The following BORA variants were observed in gnomAD, a reference collection of about 807,000 sequenced individuals.
BORA encodes the protein BORA aurora kinase A activator, also known as protein aurora borealis.
In BORA, 26 loss-of-function variants were observed where a neutral mutation model predicts 55.8. The ratio of observed to expected loss-of-function variants is 0.47; its 90% CI spans 0.34 to 0.65. The LOEUF (loss-of-function observed/expected upper bound fraction) is 0.65, where lower values mean the gene tolerates loss of function less well. Among genes scored for constraint, BORA ranks in the 30% least tolerant of loss-of-function variants. The pLI is 0.01. For synonymous variants in BORA, 201 were observed against 216.9 expected (o/e 0.93, Z 0.64); for missense variants, 568 against 671.5 (o/e 0.85, Z 1.70).
Position 72,728,798 on chromosome 13 carries a change from C to CCT in BORA, c.-15-128_-15-127insCT. The CCT allele has an allele frequency of 6.7e-6, 5 of 744,632 alleles. No homozygotes were observed. The South Asian group carries it at 1.3e-4, about 19-fold the overall frequency. The allele number at this position is 744,632 out of a possible 1,614,324, so 46.1% of individuals were successfully genotyped here. A position where few individuals can be genotyped will look rare whatever the true frequency, so the allele number is the denominator to read the frequency against. ...GTGATACTTTTTTTGTAAGCTGTATCATAGCCCCAAGAGTGTGAGGTTTTG... is the reference window on the plus strand; with the variant it reads ...GTGATACTTTTTTTGTAAGCTGTATCCTATAGCCCCAAGAGTGTGAGGTTTTG... On this transcript the variant is annotated intron_variant, in intron 1 of 11. Coordinates refer to ENST00000390667, the MANE Select transcript of BORA (RefSeq NM_024808.5).
At position 72,728,953 on chromosome 13, in the gene BORA, A is replaced by C. The variant is rs758496446; in HGVS notation, c.13A>C (p.Lys5Gln). 2 of 1,599,034 alleles carry C rather than the reference A, an allele frequency of 1.3e-6. No individual in the cohort carries two copies. The highest frequency in any genetic ancestry group is 1.7e-6 in the Non-Finnish European group (2 of 1,175,692). The stretch of plus-strand genomic sequence containing the variant: ...TTCTCTCTGTGCTATGGGAGATGTC[A>C]AGGAATCAAAGATGCAAATAACACC... MGDV[K>Q]ESKMQITPET... is the part of the protein sequence containing the mutation. The change falls in exon 2 of 12, where the codon AAG becomes CAG. Residue 5 changes from lysine (K) to glutamine (Q), a missense_variant. Transcript: ENST00000390667.
At chr13:72,749,926 C>T (rs1292717425) in intron 10 of BORA, among the ~76,000 whole-genome samples, 1 of 152,194 alleles carries the variant, frequency 6.6e-6, no homozygotes, top group Non-Finnish European at 1.5e-5. Flanking sequence ...TCTTTCCAAT[C>T]AGACCACTAA....
chr13:72,755,861 G>A lies in BORA; in HGVS notation c.*645G>A, dbSNP rs2033450979. On this transcript the variant is annotated 3_prime_UTR_variant, in exon 12 of 12. Transcript: ENST00000390667. Reference sequence around the variant, plus strand: ...TTGTTATCTATGGGGCAAATGTGTGGTGCCCAGAATAAAATATACCTCATG... The same window carrying A: ...TTGTTATCTATGGGGCAAATGTGTGATGCCCAGAATAAAATATACCTCATG... 1 of 398,382 alleles carries A rather than the reference G, an allele frequency of 2.5e-6. No homozygotes were observed. The highest frequency in any genetic ancestry group is 4.4e-6 in the Non-Finnish European group (1 of 226,060). 24.7% of individuals were successfully genotyped at this position (398,382 alleles called of 1,614,324 possible). A position where few individuals can be genotyped will look rare whatever the true frequency, so the allele number is the denominator to read the frequency against.
At chr13:72,752,223 A>G (rs982866186) in intron 10 of BORA, 3 of 152,250 alleles carry the variant, frequency 2.0e-5, no homozygotes, top group Non-Finnish European at 4.4e-5. Flanking sequence ...CAAGATTTAC[A>G]TAGCAGTGAA....
At chr13:72,743,500 A>C (rs1566224801) in intron 5 of BORA, 37 bp from the exon 6 acceptor site, 1 of 1,502,348 alleles carries the variant, frequency 6.7e-7, no homozygotes, top group South Asian at 1.2e-5. Context: ...AATGAAGAGT[A>C]TAAAACATAG....
chr13:72,744,335 CT>C, intron 6 of BORA, among the ~76,000 whole-genome samples, 169 bp from the exon 7 acceptor site: 1 of 152,312 alleles, frequency 6.6e-6, no homozygotes, highest in East Asian at 1.9e-4. Context: ...TGGGAAACCA[CT>C]TCTAGAAAGG....
rs553874103 is a variant in BORA, at chr13:72,739,003, T to C, written c.388+960T>C. On this transcript the variant is annotated intron_variant, in intron 5 of 11. Coordinates refer to ENST00000390667, the MANE Select transcript of BORA (RefSeq NM_024808.5). ...ATTATGAATTAGTGGTAGCACGCAA[T>C]AGTAGATGGAAATCTGGATTGTAAA... 2.6e-5 allele frequency among the ~76,000 whole-genome samples: 4 copies of C among 152,342 alleles called. No homozygotes were observed. In the East Asian group the frequency reaches 7.7e-4, roughly 29 times the overall value.
In BORA at chr13:72,745,042, C is replaced by T; in HGVS notation, c.573C>T (p.Ser191=). 6.2e-7 allele frequency: 1 copy of T among 1,614,076 alleles called. No individual in the cohort carries two copies. Residue 191 remains serine, a synonymous_variant, in exon 8 of 12, where the codon TCC becomes TCT. Transcript: ENST00000390667. The part of the protein sequence containing the change: ...DQSPGNLSSS[S]LRRKLFLDGN... The stretch of plus-strand genomic sequence containing the variant: ...CTCCTGGAAACCTCAGTTCTTCATC[C>T]CTCAGAAGAAAGCTGTTTTTAGATG...
At position 72,755,300 on chromosome 13, in the gene BORA, G is replaced by GA. The variant is rs2033428042; in HGVS notation, c.*90dup. 4 of 1,203,368 alleles carry GA rather than the reference G, an allele frequency of 3.3e-6. No homozygotes were observed. Among genetic ancestry groups the GA allele is most frequent in the South Asian group, 1.3e-5 (1 of 76,516 alleles). The allele number at this position is 1,203,368 out of a possible 1,614,324, so 74.5% of individuals were successfully genotyped here. A position where few individuals can be genotyped will look rare whatever the true frequency, so the allele number is the denominator to read the frequency against. On this transcript the variant is annotated 3_prime_UTR_variant, in exon 12 of 12. Coordinates refer to ENST00000390667, the MANE Select transcript of BORA (RefSeq NM_024808.5). ...ACAGGATCAACATGATGGTGACTGGGAAAAAATTACTTCAAGTAACATGCT... is the reference window on the plus strand; with the variant it reads ...ACAGGATCAACATGATGGTGACTGGGAAAAAAATTACTTCAAGTAACATGCT...
At chr13:72,739,005 G>A (rs2032986297) in intron 5 of BORA, among the ~76,000 whole-genome samples, 1 of 152,224 alleles carries the variant, frequency 6.6e-6, no homozygotes, top group African/African-American at 2.4e-5. Context: ...GCACGCAATA[G>A]TAGATGGAAA....
intron 5 of BORA, among the ~76,000 whole-genome samples, chr13:72,740,546 T>A (rs575745358): frequency 5.9e-5 from 9 of 152,160 alleles, no homozygotes; most frequent in African/African-American, 2.2e-4. Flanking sequence ...ATAGAGAACA[T>A]TCCCATCATC....
chr13:72,747,822 C>T (rs981830930), intron 10 of BORA, among the ~76,000 whole-genome samples: 4 of 152,100 alleles, frequency 2.6e-5, no homozygotes, highest in South Asian at 2.1e-4. Flanking sequence ...CATGAGCCAC[C>T]GCGCCTGGCC....
At chr13:72,733,836 A>G (rs923017337) in intron 3 of BORA, among the ~76,000 whole-genome samples, 2 of 152,206 alleles carry the variant, frequency 1.3e-5, no homozygotes, top group African/African-American at 4.8e-5. Context: ...GAGCAAGTCT[A>G]TATGTGAAAA....
At chr13:72,747,258 TATG>T in intron 10 of BORA, 147 bp downstream of exon 10, 1 of 797,996 alleles carries the variant, frequency 1.3e-6, no homozygotes. Context: ...TACCAAGTGA[TATG>T]AGAAGAGTAA....
In BORA at chr13:72,755,240, C is replaced by T; in HGVS notation, c.*24C>T. ...AGAATGCCTCTGTCAGAATCAAAGACTAAGCTTAAGAGTTCCTCGCATATA... is the reference window on the plus strand; with the variant it reads ...AGAATGCCTCTGTCAGAATCAAAGATTAAGCTTAAGAGTTCCTCGCATATA... On this transcript the variant is annotated 3_prime_UTR_variant, in exon 12 of 12. Transcript: ENST00000390667. 6.3e-7 allele frequency: 1 copy of T among 1,587,410 alleles called. No homozygotes were observed. The highest frequency in any genetic ancestry group is 1.3e-5 in the African/African-American group (1 of 74,366).
At chr13:72,749,551 C>T (rs2033221267) in intron 10 of BORA, among the ~76,000 whole-genome samples, 1 of 151,688 alleles carries the variant, frequency 6.6e-6, no homozygotes, top group Non-Finnish European at 1.5e-5. Context: ...TGGGCAATTT[C>T]CTCCAGTTTA....
intron 11 of BORA, 144 bp downstream of exon 11, chr13:72,753,965 C>T (rs184146771): frequency 3.6e-6 from 3 of 839,208 alleles, no homozygotes; most frequent in African/African-American, 3.5e-5. Flanking sequence ...CATCCAATAA[C>T]CTTTAAATAT....
In BORA at chr13:72,755,989, T is replaced by C; in HGVS notation, c.*773T>C. The C allele has an allele frequency of 2.5e-6, 1 of 398,560 alleles. No individual in the cohort carries two copies. Among genetic ancestry groups the C allele is most frequent in the Non-Finnish European group, 4.4e-6 (1 of 226,058 alleles). 24.7% of individuals were successfully genotyped at this position (398,560 alleles called of 1,614,324 possible). A position where few individuals can be genotyped will look rare whatever the true frequency, so the allele number is the denominator to read the frequency against. ...AAAAGTGGGGCTGGGAGAGTGGAGT[T>C]CCCGTAGGGCATAGGCCTGTGAAGT... On this transcript the variant is annotated 3_prime_UTR_variant, in exon 12 of 12. Coordinates refer to ENST00000390667, the MANE Select transcript of BORA (RefSeq NM_024808.5).
chr13:72,729,157 A>C, intron 2 of BORA, 64 bp downstream of exon 2: 1 of 1,294,642 alleles, frequency 7.7e-7, no homozygotes, highest in Non-Finnish European at 1.0e-6. Flanking sequence ...AATAATTTTA[A>C]ATGTAAACAT....
Sources: allele counts gnomAD v4.1 joint callset (sites outside exome capture counted in the v4.1 genomes callset), GRCh38; gene constraint gnomAD v4.1.1; transcripts MANE v1.5; gene names NCBI Gene and HGNC (gene_info 2026-07-23, HGNC 2026-07-21).